Variants in PLCL1 observed in about 807,000 individuals in gnomAD.
PLCL1 encodes inactive phospholipase C-like protein 1.
PLCL1 carries 41 observed loss-of-function variants against 84.4 expected under a neutral mutation model. The observed-to-expected ratio is 0.49, with a 90% CI of 0.38 to 0.63. PLCL1 has a LOEUF of 0.63. Ranked by LOEUF, PLCL1 falls within the 30% of genes least tolerant of loss-of-function variation. The pLI is 0.00. For synonymous variants in PLCL1, 490 were observed against 488.3 expected (o/e 1.00, Z -0.05); for missense variants, 1,206 against 1,367.8 (o/e 0.88, Z 1.87).
At chr2:197,807,540 T>C (rs1388302343) in intron 1 of PLCL1, among the ~76,000 whole-genome samples, 1 of 152,182 alleles carries the variant, frequency 6.6e-6, no homozygotes, top group Non-Finnish European at 1.5e-5. Flanking sequence ...CAAGAACCTT[T>C]CTGGTGACAT....
At chr2:198,073,561 G>A (rs1425879568) in intron 1 of PLCL1, among the ~76,000 whole-genome samples, 1 of 152,120 alleles carries the variant, frequency 6.6e-6, no homozygotes, top group Non-Finnish European at 1.5e-5. Flanking sequence ...AGTCCCAAAG[G>A]ACATATTCTA....
rs1691621622 is a variant in PLCL1, at chr2:198,039,935, A to G, written c.241-43823A>G. The stretch of plus-strand genomic sequence containing the variant: ...TGAAATGGAGAACATGTTATTTGCT[A>G]GAATGGGGCAAACATATGTCTTAAC... On this transcript the variant is annotated intron_variant, in intron 1 of 5. Coordinates refer to ENST00000428675, the MANE Select transcript of PLCL1 (RefSeq NM_006226.4). Among the ~76,000 whole-genome samples the G allele has an allele frequency of 2.0e-5, 3 of 152,230 alleles. No homozygotes were observed. In the South Asian group the frequency reaches 6.2e-4, roughly 32 times the overall value.
At chr2:198,069,703 C>G (rs145059999) in intron 1 of PLCL1, among the ~76,000 whole-genome samples, 2 of 151,966 alleles carry the variant, frequency 1.3e-5, no homozygotes, top group East Asian at 3.9e-4. Flanking sequence ...TATATTTTTC[C>G]TGAGAGTGTA....
At position 197,886,737 on chromosome 2, in the gene PLCL1, G is replaced by A. The variant is rs189326790; in HGVS notation, c.240+81398G>A. 2.3e-3 allele frequency among the ~76,000 whole-genome samples: 348 copies of A among 152,252 alleles called. 1 individual carries two copies. The highest frequency in any genetic ancestry group is 7.9e-3 in the African/African-American group (328 of 41,544). Reference sequence around the variant, plus strand: ...TGAAGTTTGAAAAGCACCATTTAAAGGTCTTAGCTCTTGGGTGGATATTTG... The same window carrying A: ...TGAAGTTTGAAAAGCACCATTTAAAAGTCTTAGCTCTTGGGTGGATATTTG... On this transcript the variant is annotated intron_variant, in intron 1 of 5. Transcript: ENST00000428675.
At chr2:197,998,682 TTGC>T (rs1435720664) in intron 1 of PLCL1, among the ~76,000 whole-genome samples, 2 of 152,150 alleles carry the variant, frequency 1.3e-5, no homozygotes, top group African/African-American at 4.8e-5. Context: ...CCACAGGCAG[TTGC>T]TCCAATGACT....
chr2:197,837,867 C>T (rs1479064789), intron 1 of PLCL1, among the ~76,000 whole-genome samples: 1 of 152,120 alleles, frequency 6.6e-6, no homozygotes, highest in African/African-American at 2.4e-5. Flanking sequence ...TTAGCATCAC[C>T]AGGGAAGCGA....
chr2:198,039,629 T>C (rs1278399552), intron 1 of PLCL1, among the ~76,000 whole-genome samples: 1 of 152,202 alleles, frequency 6.6e-6, no homozygotes, highest in Non-Finnish European at 1.5e-5. Context: ...TCATTCTTGT[T>C]ATAGTTAACT....
intron 1 of PLCL1, among the ~76,000 whole-genome samples, chr2:197,866,633 T>C (rs1233213380): frequency 4.6e-5 from 7 of 152,072 alleles, no homozygotes; most frequent in African/African-American, 7.2e-5. Flanking sequence ...TCTCTAGAGG[T>C]GACATATAAA....
chr2:197,848,878 G>A (rs1687169653), intron 1 of PLCL1, among the ~76,000 whole-genome samples: 1 of 152,100 alleles, frequency 6.6e-6, no homozygotes, highest in Admixed American at 6.6e-5. Flanking sequence ...TCCTGGGGAA[G>A]TAAAGAGACG....
chr2:197,940,112 T>A (rs1689129778), intron 1 of PLCL1, among the ~76,000 whole-genome samples: 1 of 152,206 alleles, frequency 6.6e-6, no homozygotes, highest in Non-Finnish European at 1.5e-5. Context: ...AATTGTTTTT[T>A]TTGAAAATTT....
intron 1 of PLCL1, among the ~76,000 whole-genome samples, chr2:197,920,856 G>C (rs1019494714): frequency 3.9e-5 from 6 of 152,182 alleles, no homozygotes; most frequent in Admixed American, 3.9e-4. Flanking sequence ...TTTGATTTAT[G>C]AGCAAGTTAA....
chr2:197,886,550 G>A (rs1031576814), intron 1 of PLCL1, among the ~76,000 whole-genome samples: 2 of 148,920 alleles, frequency 1.3e-5, no homozygotes, highest in African/African-American at 2.5e-5. Context: ...TTGAAGGTTT[G>A]TGGAAAAAAA....
chr2:198,092,632 A>G (rs902071835), intron 3 of PLCL1, among the ~76,000 whole-genome samples: 2 of 152,072 alleles, frequency 1.3e-5, no homozygotes, highest in South Asian at 2.1e-4. Flanking sequence ...ATTCCTCCTT[A>G]TCTCTTAATT....
At chr2:198,088,132 A>T (rs1251440341) in intron 2 of PLCL1, among the ~76,000 whole-genome samples, 1 of 152,160 alleles carries the variant, frequency 6.6e-6, no homozygotes, top group African/African-American at 2.4e-5. Flanking sequence ...ATTTTATATT[A>T]TGTATTTAAA....
At chr2:197,970,987 T>C (rs1275278953) in intron 1 of PLCL1, among the ~76,000 whole-genome samples, 1 of 152,262 alleles carries the variant, frequency 6.6e-6, no homozygotes, top group Non-Finnish European at 1.5e-5. Flanking sequence ...TGTGATGTTA[T>C]GTTTATGCTA....
intron 1 of PLCL1, among the ~76,000 whole-genome samples, chr2:197,845,516 G>C (rs904001589): frequency 1.3e-5 from 2 of 152,142 alleles, no homozygotes; most frequent in African/African-American, 4.8e-5. Context: ...GGTGTGGAGG[G>C]AGAGGGAATG....
At position 197,804,856 on chromosome 2, in the gene PLCL1, C is replaced by T; in HGVS notation, c.-244C>T. ...CCCGCTCACATCGCCTCCCCACTCC[C>T]GCCACCGTCCCCCGCCGGACTGCTA... On this transcript the variant is annotated 5_prime_UTR_variant, in exon 1 of 6. Coordinates refer to ENST00000428675, the MANE Select transcript of PLCL1 (RefSeq NM_006226.4). The T allele has an allele frequency of 2.5e-6, 1 of 406,244 alleles. No individual in the cohort carries two copies. Among genetic ancestry groups the T allele is most frequent in the Non-Finnish European group, 4.4e-6 (1 of 229,858 alleles). The allele number at this position is 406,244 out of a possible 1,614,324, so 25.2% of individuals were successfully genotyped here. A position where few individuals can be genotyped will look rare whatever the true frequency, so the allele number is the denominator to read the frequency against.
At chr2:198,069,013 C>T (rs540766744) in intron 1 of PLCL1, among the ~76,000 whole-genome samples, 7 of 151,044 alleles carry the variant, frequency 4.6e-5, no homozygotes, top group East Asian at 1.9e-4. Flanking sequence ...CCAGCCTGGG[C>T]GACAGAGTGA....
At chr2:198,041,157 T>A (rs1432757947) in intron 1 of PLCL1, among the ~76,000 whole-genome samples, 1 of 152,194 alleles carries the variant, frequency 6.6e-6, no homozygotes, top group South Asian at 2.1e-4. Flanking sequence ...TGCCTAACAT[T>A]GCAGGAATGG....
Sources: gnomAD v4.1 joint callset for allele counts (sites outside exome capture counted in the v4.1 genomes callset) on GRCh38, gnomAD v4.1.1 for gene constraint, MANE v1.5 for transcripts, NCBI Gene and HGNC (gene_info 2026-07-23, HGNC 2026-07-21) for gene names.